CEBPZ: variants seen among roughly 807,000 people sequenced by gnomAD.
The protein encoded by CEBPZ is CCAAT/enhancer-binding protein zeta.
In CEBPZ, 78 loss-of-function variants were observed where a neutral mutation model predicts 104.5. That is an observed-to-expected ratio of 0.75 (90% CI 0.62 to 0.90). The LOEUF is 0.90. CEBPZ is among the 40% of genes least tolerant of loss of function. The probability of loss-of-function intolerance (pLI) is 0.00; values close to 1 mark genes in which losing one functional copy is unlikely to be tolerated. For missense variants in CEBPZ, 1,439 were observed against 1,233.5 expected, an observed-to-expected ratio of 1.17 and a Z score of -2.50; for synonymous variants, 470 against 427.0, an observed-to-expected ratio of 1.10 and a Z score of -1.24.
At chr2:37,229,257 T>C (rs560689050) in intron 1 of CEBPZ, among the ~76,000 whole-genome samples, 5 of 151,904 alleles carry the variant, frequency 3.3e-5, no homozygotes, top group Admixed American at 2.0e-4. Flanking sequence ...TTTATTTCGA[T>C]ATAGGAAAAA....
At chr2:37,208,251 T>G (rs760625428) in intron 13 of CEBPZ, among the ~76,000 whole-genome samples, 1 of 152,180 alleles carries the variant, frequency 6.6e-6, no homozygotes, top group Non-Finnish European at 1.5e-5. Context: ...CTACTGAAAC[T>G]ATTCCAAAAG....
chr2:37,223,481 T>C, intron 2 of CEBPZ, 80 bp from the exon 3 acceptor site: 2 of 1,193,546 alleles, frequency 1.7e-6, no homozygotes, highest in East Asian at 2.4e-5. Flanking sequence ...AAATAGCTAC[T>C]AACCTCATCT....
chr2:37,219,260 C>T (rs1410413797), intron 5 of CEBPZ, among the ~76,000 whole-genome samples: 2 of 152,164 alleles, frequency 1.3e-5, no homozygotes, highest in Non-Finnish European at 2.9e-5. Context: ...ACGTGACAAC[C>T]TTCATGCTTT....
chr2:37,219,920 T>C (rs1273110053), intron 5 of CEBPZ, among the ~76,000 whole-genome samples: 3 of 152,182 alleles, frequency 2.0e-5, no homozygotes, highest in Non-Finnish European at 2.9e-5. Context: ...AAATGAACAC[T>C]TCACATAGTA....
chr2:37,218,640 A>G (rs995727617), intron 5 of CEBPZ, among the ~76,000 whole-genome samples: 2 of 152,204 alleles, frequency 1.3e-5, no homozygotes, highest in African/African-American at 4.8e-5. Flanking sequence ...ACAGTGGCTC[A>G]TGCCTGTAAT....
intron 8 of CEBPZ, among the ~76,000 whole-genome samples, 171 bp from the exon 9 acceptor site, chr2:37,215,123 T>C (rs1039584986): frequency 1.3e-5 from 2 of 152,126 alleles, no homozygotes; most frequent in African/African-American, 2.4e-5. Flanking sequence ...AAAAAGTCTG[T>C]GTGAAGACCC....
intron 6 of CEBPZ, among the ~76,000 whole-genome samples, chr2:37,216,741 G>C (rs543757624): frequency 2.1e-3 from 321 of 152,332 alleles, no homozygotes; most frequent in African/African-American, 7.4e-3. Context: ...ATTTCTCCAG[G>C]AGAGGAGCTA....
At position 37,213,957 on chromosome 2, in the gene CEBPZ, A is replaced by C. The variant is rs1437024301; in HGVS notation, c.2452T>G (p.Tyr818Asp). The C allele has an allele frequency of 1.3e-6, 2 of 1,491,166 alleles. No individual in the cohort carries two copies. Among genetic ancestry groups the C allele is most frequent in the Non-Finnish European group, 1.8e-6 (2 of 1,098,694 alleles). The allele number at this position is 1,491,166 out of a possible 1,614,324, so 92.4% of individuals were successfully genotyped here. Residue 818 changes from tyrosine to aspartate, a missense_variant, in exon 10 of 16, where the codon TAT becomes GAT. Physicochemically the swap from Tyr to Asp is radical, Grantham distance 160. Coordinates refer to ENST00000234170, the MANE Select transcript of CEBPZ (RefSeq NM_005760.3). Reference sequence around the variant, plus strand: ...TTCTCTTTAACAGCAACTTTTTTATAATACCTATAATATTCATGTTATATA... The same window carrying C: ...TTCTCTTTAACAGCAACTTTTTTATCATACCTATAATATTCATGTTATATA... Reference protein sequence around the residue: ...PVDEVFFHRYYKKVAVKEKQK... With the variant: ...PVDEVFFHRYDKKVAVKEKQK...
At chr2:37,212,224 T>C in intron 11 of CEBPZ, 111 bp downstream of exon 11, 1 of 1,083,302 alleles carries the variant, frequency 9.2e-7, no homozygotes, top group Non-Finnish European at 1.4e-6. Flanking sequence ...CTTCCCAAAC[T>C]TACTTGACTA....
Position 37,222,554 on chromosome 2 carries a change from C to G in CEBPZ, c.1891G>C (p.Asp631His), listed in dbSNP as rs773134342. ...SQLDDHPESD[D>H]EENFIDANDD... Reference sequence around the variant, plus strand: ...TTTGCATCAATAAAATTTTCTTCATCATCAGACTCCTAACAAAAGTATAGT... The same window carrying G: ...TTTGCATCAATAAAATTTTCTTCATGATCAGACTCCTAACAAAAGTATAGT... The change falls in exon 4 of 16, where the codon GAT becomes CAT. Residue 631 changes from aspartate to histidine, a missense_variant. Asp to His is a moderately conservative substitution (Grantham distance 81). Coordinates refer to ENST00000234170, the MANE Select transcript of CEBPZ (RefSeq NM_005760.3). 3 of 1,581,150 alleles carry G rather than the reference C, an allele frequency of 1.9e-6. No individual in the cohort carries two copies. The highest frequency in any genetic ancestry group is 2.6e-6 in the Non-Finnish European group (3 of 1,169,372).
intron 5 of CEBPZ, among the ~76,000 whole-genome samples, chr2:37,218,039 G>A (rs190309054): frequency 0.014 from 2,122 of 151,560 alleles, 53 homozygotes; most frequent in African/African-American, 0.049. Flanking sequence ...AGGCCGAGGC[G>A]GGCGGATCAC....
At chr2:37,222,316 G>T (rs1664788178) in intron 4 of CEBPZ, 64 bp downstream of exon 4, 15 of 1,259,606 alleles carry the variant, frequency 1.2e-5, no homozygotes, top group Non-Finnish European at 1.5e-5. Context: ...ATGGTAGAAT[G>T]CTATTTTCTA....
At position 37,216,301 on chromosome 2, in the gene CEBPZ, T is replaced by G; in HGVS notation, c.2311+15A>C. The G allele has an allele frequency of 6.2e-7, 1 of 1,609,926 alleles. No homozygotes were observed. The highest frequency in any genetic ancestry group is 8.5e-7 in the Non-Finnish European group (1 of 1,177,562). On this transcript the variant is annotated intron_variant, in intron 7 of 15. Coordinates refer to ENST00000234170, the MANE Select transcript of CEBPZ (RefSeq NM_005760.3). The stretch of plus-strand genomic sequence containing the variant: ...TAAAAATGAAAGCCAAATAATTCAC[T>G]AAATAGAAGCATACCTTTGCCTTTA...
chr2:37,227,455 T>A (rs1017093185), intron 2 of CEBPZ, 89 bp downstream of exon 2: 5 of 1,384,436 alleles, frequency 3.6e-6, no homozygotes, highest in Non-Finnish European at 4.8e-6. Context: ...ATTTTCTAAC[T>A]CTTTTTCTTG....
chr2:37,223,628 T>G (rs539028145), intron 2 of CEBPZ, among the ~76,000 whole-genome samples: 1 of 152,318 alleles, frequency 6.6e-6, no homozygotes, highest in African/African-American at 2.4e-5. Flanking sequence ...ATAGGCATTT[T>G]TGAGTGTGTG....
chr2:37,222,862 G>A (rs1292003939), intron 3 of CEBPZ, among the ~76,000 whole-genome samples: 1 of 152,160 alleles, frequency 6.6e-6, no homozygotes. Flanking sequence ...CTATGAGGTA[G>A]GTACTATTAT....
intron 13 of CEBPZ, among the ~76,000 whole-genome samples, chr2:37,205,625 G>A (rs1463769833): frequency 6.6e-6 from 1 of 152,152 alleles, no homozygotes; most frequent in Non-Finnish European, 1.5e-5. Context: ...TCTTCATACA[G>A]ACGCGCATGA....
chr2:37,220,327 AAAT>A, intron 5 of CEBPZ, 55 bp downstream of exon 5: 43 of 572,342 alleles, frequency 7.5e-5, no homozygotes, highest in Non-Finnish European at 9.4e-5. Context: ...AAAAAAAAAA[AAAT>A]ATATATATAT....
chr2:37,208,403 C>G (rs982228832), intron 13 of CEBPZ, among the ~76,000 whole-genome samples: 13 of 152,260 alleles, frequency 8.5e-5, no homozygotes, highest in African/African-American at 3.1e-4. Flanking sequence ...CAACAAAATA[C>G]TAGCTAACCA....
Sources: gnomAD v4.1 joint callset for allele counts (sites outside exome capture counted in the v4.1 genomes callset) on GRCh38, gnomAD v4.1.1 for gene constraint, MANE v1.5 for transcripts, NCBI Gene and HGNC (gene_info 2026-07-23, HGNC 2026-07-21) for gene names.